Variants in LMBR1 observed in about 807,000 individuals in gnomAD.
LMBR1 encodes limb development membrane protein 1, also known as limb region 1 protein homolog.
LMBR1 carries 52 observed loss-of-function variants against 73.9 expected under a neutral mutation model. The observed-to-expected ratio is 0.70, with a 90% CI of 0.56 to 0.89. The LOEUF (loss-of-function observed/expected upper bound fraction) is 0.89. Among genes scored for constraint, LMBR1 ranks in the 40% least tolerant of loss-of-function variants. The probability of loss-of-function intolerance (pLI) is 0.00; values close to 1 mark genes in which losing one functional copy is unlikely to be tolerated. For synonymous variants in LMBR1, 215 were observed against 209.4 expected, an observed-to-expected ratio of 1.03 and a Z score of -0.23; for missense variants, 539 against 579.8, an observed-to-expected ratio of 0.93 and a Z score of 0.72.
intron 1 of LMBR1, among the ~76,000 whole-genome samples, chr7:156,860,222 C>T (rs1029263537): frequency 2.0e-5 from 3 of 152,186 alleles, no homozygotes; most frequent in African/African-American, 4.8e-5. Flanking sequence ...TACACTTCCA[C>T]GTGGCTGGGG....
downstream of LMBR1, chr7:156,676,705 C>A (rs762861581): frequency 2.6e-5 from 37 of 1,408,138 alleles, no homozygotes; most frequent in South Asian, 4.0e-4. Context: ...AGTTTACCAT[C>A]ATTTTGGATG....
chr7:156,796,574 T>C, intron 4 of LMBR1, 82 bp from the exon 5 acceptor site: 1 of 796,716 alleles, frequency 1.3e-6, no homozygotes, highest in African/African-American at 1.8e-5. Context: ...TACTTTTAAA[T>C]AGTAAAAATA....
At chr7:156,736,507 A>G (rs1420649349) in intron 9 of LMBR1, 1 of 456,672 alleles carries the variant, frequency 2.2e-6, no homozygotes, top group Non-Finnish European at 4.4e-6. Flanking sequence ...GTTTGCTATC[A>G]TGTCTCCTCC....
chr7:156,835,694 C>CAAA (rs59956909), intron 2 of LMBR1, among the ~76,000 whole-genome samples: 4 of 100,480 alleles, frequency 4.0e-5, no homozygotes, highest in African/African-American at 7.4e-5. Flanking sequence ...GACTCCATCT[C>CAAA]AAAAAAAAAA....
At chr7:156,825,137 G>A (rs1484843345) in intron 4 of LMBR1, among the ~76,000 whole-genome samples, 2 of 151,772 alleles carry the variant, frequency 1.3e-5, no homozygotes, top group African/African-American at 4.8e-5. Context: ...TAAGTCAAAT[G>A]GCAACTTAGC....
In LMBR1 at chr7:156,893,130, C is replaced by G. The variant is rs1474493000; in HGVS notation, c.-137G>C. 4.9e-6 allele frequency: 4 copies of G among 811,598 alleles called. No homozygotes were observed. In the East Asian group the frequency reaches 1.1e-4, roughly 22 times the overall value. The allele number at this position is 811,598 out of a possible 1,614,324, so 50.3% of individuals were successfully genotyped here. ...CCGCGAGCCGTGTTGGAACAGGTAC[C>G]GCGACCACGACACCGGCCGTCGCCT... On this transcript the variant is annotated 5_prime_UTR_variant, in exon 1 of 17. Coordinates refer to ENST00000353442, the MANE Select transcript of LMBR1 (RefSeq NM_022458.4).
At chr7:156,706,128 A>G (rs2132119276) in intron 15 of LMBR1, among the ~76,000 whole-genome samples, 1 of 152,066 alleles carries the variant, frequency 6.6e-6, no homozygotes, top group African/African-American at 2.4e-5. Context: ...TACTGACACC[A>G]GATAAAACAG....
chr7:156,721,556 A>G (rs1283424520), intron 15 of LMBR1, among the ~76,000 whole-genome samples: 1 of 152,112 alleles, frequency 6.6e-6, no homozygotes, highest in Non-Finnish European at 1.5e-5. Flanking sequence ...CTAAAAATAC[A>G]GACATCAAAT....
chr7:156,768,101 C>T (rs1009800634), intron 5 of LMBR1, among the ~76,000 whole-genome samples: 7 of 151,980 alleles, frequency 4.6e-5, no homozygotes, highest in African/African-American at 7.2e-5. Context: ...AAACAGAAAA[C>T]GAGGCTGGGC....
chr7:156,853,033 G>A (rs531475401), intron 1 of LMBR1, among the ~76,000 whole-genome samples: 3 of 151,548 alleles, frequency 2.0e-5, no homozygotes, highest in African/African-American at 7.3e-5. Flanking sequence ...CTGCCTCCCA[G>A]GTTCAGGCCA....
In LMBR1 at chr7:156,685,961, G is replaced by T. The variant is rs1200708305; in HGVS notation, c.1388-1798C>A. Among the ~76,000 whole-genome samples the T allele has an allele frequency of 6.6e-6, 1 of 152,084 alleles. No homozygotes were observed. Among genetic ancestry groups the T allele is most frequent in the Non-Finnish European group, 1.5e-5 (1 of 68,014 alleles). On this transcript the variant is annotated intron_variant, in intron 16 of 16. Transcript: ENST00000353442. This position sits in a 1 kb window ranked among gnomAD's most constrained non-coding sequence, Gnocchi z 4.1. ...TCTTAATGAAAGAAAAGGTAAAACT[G>T]AGCCTATGTTTGAATGGGAAGGGAA...
intron 5 of LMBR1, among the ~76,000 whole-genome samples, chr7:156,789,866 A>C (rs1461768470): frequency 6.6e-6 from 1 of 152,126 alleles, no homozygotes; most frequent in Non-Finnish European, 1.5e-5. Context: ...AACAATGACT[A>C]TTTCTATAAA....
At chr7:156,874,175 G>GA (rs1361897041) in intron 1 of LMBR1, among the ~76,000 whole-genome samples, 2 of 152,270 alleles carry the variant, frequency 1.3e-5, no homozygotes, top group African/African-American at 4.8e-5. Context: ...GGCCGGACAA[G>GA]AAATTGAGCA....
At chr7:156,866,174 A>G (rs1314114930) in intron 1 of LMBR1, among the ~76,000 whole-genome samples, 2 of 152,168 alleles carry the variant, frequency 1.3e-5, no homozygotes, top group African/African-American at 2.4e-5. Context: ...TGGAAGTCAT[A>G]TGTCTGATAG....
chr7:156,728,648 T>C lies in LMBR1; in HGVS notation c.911A>G (p.Glu304Gly). The part of the protein sequence containing the change: ...YPAVMVLLLI[E>G]TSISVLLVAC... ...ACTAGGCAAATAAATTCTTACTGTC[T>C]CAATAAGAAGGAGAACCATAACAGC... Residue 304 changes from glutamate (E) to glycine (G), a missense_variant, in exon 11 of 17, where the codon GAG (glutamate) becomes GGG (glycine). This residue lies in a region of LMBR1 where 454 missense variants were observed against 473.4 expected (regional missense o/e 0.96). Coordinates refer to ENST00000353442, the MANE Select transcript of LMBR1 (RefSeq NM_022458.4). 3 of 1,585,674 alleles carry C rather than the reference T, an allele frequency of 1.9e-6. No individual in the cohort carries two copies. In the East Asian group the frequency reaches 6.8e-5, roughly 36 times the overall value.
At chr7:156,706,182 G>T (rs926654421) in intron 15 of LMBR1, among the ~76,000 whole-genome samples, 1 of 149,194 alleles carries the variant, frequency 6.7e-6, no homozygotes, top group African/African-American at 2.5e-5. Context: ...GACAACAAAG[G>T]TCATTATATA....
intron 1 of LMBR1, among the ~76,000 whole-genome samples, chr7:156,861,389 G>T (rs1204324607): frequency 6.6e-6 from 1 of 152,104 alleles, no homozygotes; most frequent in Non-Finnish European, 1.5e-5. Flanking sequence ...AGAGCAGGGG[G>T]GCCCTGGGCC....
At chr7:156,689,754 T>C (rs1160611359) in intron 15 of LMBR1, among the ~76,000 whole-genome samples, 1 of 152,330 alleles carries the variant, frequency 6.6e-6, no homozygotes. Context: ...CACATGGTTA[T>C]GAGATGATGA....
intron 4 of LMBR1, among the ~76,000 whole-genome samples, chr7:156,801,940 C>T (rs1405775164): frequency 2.0e-5 from 3 of 152,190 alleles, no homozygotes; most frequent in African/African-American, 7.2e-5. Flanking sequence ...GCTATTCCTT[C>T]TAATATGCTG....
Sources: allele counts gnomAD v4.1 joint callset (sites outside exome capture counted in the v4.1 genomes callset), GRCh38; gene constraint gnomAD v4.1.1; regional missense constraint gnomAD v4.1.1; non-coding constraint Gnocchi (gnomAD v3.1); transcripts MANE v1.5; gene names NCBI Gene and HGNC (gene_info 2026-07-23, HGNC 2026-07-21).